The following CROT variants were observed in gnomAD, a reference collection of about 807,000 sequenced individuals.
CROT encodes peroxisomal carnitine O-octanoyltransferase.
Under a neutral mutation model 89.2 loss-of-function variants are expected in CROT, and 84 were observed. The ratio of observed to expected loss-of-function variants is 0.94; its 90% CI spans 0.79 to 1.13. The LOEUF (loss-of-function observed/expected upper bound fraction) is 1.13, where lower values mean the gene tolerates loss of function less well. Ranked by LOEUF, CROT falls within the 50% of genes most tolerant of loss-of-function variation. The pLI is 0.00. For synonymous variants in CROT, 212 were observed against 239.5 expected, an observed-to-expected ratio of 0.89 and a Z score of 1.06; for missense variants, 711 against 727.8, an observed-to-expected ratio of 0.98 and a Z score of 0.27.
chr7:87,398,498 C>G, intron 17 of CROT, 26 bp from the exon 18 acceptor site: 2 of 1,612,074 alleles, frequency 1.2e-6, no homozygotes, highest in Non-Finnish European at 1.7e-6. Context: ...TTTGTGTAAT[C>G]ATTAATCATT....
chr7:87,384,764 G>T (rs73394200), intron 13 of CROT, among the ~76,000 whole-genome samples: 4,063 of 152,256 alleles, frequency 0.027, 174 homozygotes, highest in African/African-American at 0.093. Flanking sequence ...TACTTGTAGG[G>T]TATTACTCAA....
chr7:87,371,993 C>CAAAAAAAAA (rs76864305), intron 7 of CROT, among the ~76,000 whole-genome samples: 1 of 59,734 alleles, frequency 1.7e-5, no homozygotes, highest in Non-Finnish European at 3.2e-5. Context: ...GACGCTGTCT[C>CAAAAAAAAA]AAAAAAAAAA....
At chr7:87,359,962 C>T in intron 4 of CROT, 1 of 979,996 alleles carries the variant, frequency 1.0e-6, no homozygotes, top group Non-Finnish European at 1.2e-6. Flanking sequence ...ATTATTGTAC[C>T]TATCATTTAG....
At chr7:87,370,339 T>C (rs1806593038) in intron 7 of CROT, among the ~76,000 whole-genome samples, 1 of 152,078 alleles carries the variant, frequency 6.6e-6, no homozygotes, top group Non-Finnish European at 1.5e-5. Context: ...CGCACCACCA[T>C]GGCCAGCTAA....
At chr7:87,373,864 A>G (rs1193812685) in intron 7 of CROT, among the ~76,000 whole-genome samples, 2 of 152,128 alleles carry the variant, frequency 1.3e-5, no homozygotes, top group Non-Finnish European at 2.9e-5. Flanking sequence ...TCAGTGACGT[A>G]TGGAGACGAC....
rs370066111 is a variant in CROT at position 87,398,801 on chromosome 7, C to G, written c.*157C>G. ...ATGTAGAAATTAGTAGAATCATGCT[C>G]TCTAAATTTATTCTGCCATAGAAGG... On this transcript the variant is annotated 3_prime_UTR_variant, in exon 18 of 18. Transcript: ENST00000331536. 1.7e-5 allele frequency: 12 copies of G among 696,336 alleles called. No individual in the cohort carries two copies. In the South Asian group the frequency reaches 2.2e-4, roughly 13 times the overall value. 43.1% of individuals were successfully genotyped at this position (696,336 alleles called of 1,614,324 possible).
At chr7:87,380,809 C>A (rs2116009155) in intron 10 of CROT, among the ~76,000 whole-genome samples, 2 of 152,254 alleles carry the variant, frequency 1.3e-5, no homozygotes, top group Middle Eastern at 3.4e-3. Flanking sequence ...TTAAATGAAA[C>A]AATATATTTG....
intron 3 of CROT, among the ~76,000 whole-genome samples, chr7:87,356,594 C>A (rs1480727714): frequency 6.6e-6 from 1 of 152,066 alleles, no homozygotes; most frequent in Non-Finnish European, 1.5e-5. Context: ...CAAAAGTAAC[C>A]ACCAGAATGA....
intron 7 of CROT, 197 bp from the exon 8 acceptor site, chr7:87,375,435 A>G (rs550087179): frequency 2.2e-5 from 11 of 505,040 alleles, no homozygotes; most frequent in African/African-American, 1.9e-4. Flanking sequence ...AATTATTGTC[A>G]AATATGCTTT....
intron 7 of CROT, among the ~76,000 whole-genome samples, chr7:87,370,129 T>C (rs938256766): frequency 6.6e-6 from 1 of 152,162 alleles, no homozygotes; most frequent in African/African-American, 2.4e-5. Flanking sequence ...ATCTCTAAAA[T>C]AGAAGGACTC....
intron 14 of CROT, among the ~76,000 whole-genome samples, chr7:87,391,966 G>A (rs750261246): frequency 6.6e-6 from 1 of 152,136 alleles, no homozygotes; most frequent in Non-Finnish European, 1.5e-5. Flanking sequence ...GGTATTTCAG[G>A]ACTTCTAATC....
chr7:87,366,002 C>T (rs1806434200), intron 6 of CROT, among the ~76,000 whole-genome samples: 1 of 152,118 alleles, frequency 6.6e-6, no homozygotes, highest in Non-Finnish European at 1.5e-5. Flanking sequence ...ACACAAAAAG[C>T]CCAGACTGTT....
chr7:87,398,168 G>A (rs768673371), intron 17 of CROT: 2 of 332,516 alleles, frequency 6.0e-6, no homozygotes, highest in Non-Finnish European at 1.2e-5. Context: ...ATTAAAAACT[G>A]TAGCATGAAT....
chr7:87,393,342 C>T (rs1189743963), intron 17 of CROT, among the ~76,000 whole-genome samples: 2 of 152,024 alleles, frequency 1.3e-5, no homozygotes, highest in African/African-American at 4.8e-5. Flanking sequence ...ATCAGTACAC[C>T]CATGAACATA....
chr7:87,361,541 A>G lies in CROT; in HGVS notation c.392A>G (p.His131Arg), dbSNP rs1172746542. The G allele has an allele frequency of 6.2e-7, 1 of 1,601,966 alleles. No homozygotes were observed. Among genetic ancestry groups the G allele is most frequent in the Admixed American group, 1.8e-5 (1 of 56,894 alleles). ...QLERGSITLW[H>R]NLNYWQLLRK... is the part of the protein sequence containing the mutation. ...GAAAGAGGAAGTATAACTCTTTGGC[A>G]TAACTTGAACTACTGGCAGCTATTA... The change falls in exon 5 of 18, where the codon CAT (histidine) becomes CGT (arginine). Residue 131 changes from histidine (H) to arginine (R), a missense_variant. Transcript: ENST00000331536.
chr7:87,349,275 C>G (rs997362808), intron 3 of CROT, 92 bp downstream of exon 3: 1 of 564,408 alleles, frequency 1.8e-6, no homozygotes, highest in Non-Finnish European at 3.0e-6. Flanking sequence ...GATCCAGACT[C>G]TAAGAGAGAG....
chr7:87,367,369 A>G (rs947499251), intron 6 of CROT, among the ~76,000 whole-genome samples: 53 of 152,118 alleles, frequency 3.5e-4, no homozygotes, highest in African/African-American at 1.1e-3. Context: ...GAAGGAAACC[A>G]ATTTTCTTCT....
chr7:87,369,367 T>C lies in CROT; in HGVS notation c.548-9T>C. 6.3e-7 allele frequency: 1 copy of C among 1,585,772 alleles called. No homozygotes were observed. ...ATTTGAGTCTTGTGTTTTCTGTTTC[T>C]GTTTCCAGAGAGTGAAGGGCGTTCC... On this transcript the variant is annotated splice_polypyrimidine_tract_variant and intron_variant, in intron 6 of 17. Coordinates refer to ENST00000331536, the MANE Select transcript of CROT (RefSeq NM_021151.4).
rs114620264 is a variant in CROT, at chr7:87,367,288, A to G, written c.548-2088A>G. 4.9e-3 allele frequency among the ~76,000 whole-genome samples: 743 copies of G among 152,304 alleles called. 4 individuals are homozygous for G. Among genetic ancestry groups the G allele is most frequent in the African/African-American group, 0.017 (720 of 41,574 alleles). On this transcript the variant is annotated intron_variant, in intron 6 of 17. Coordinates refer to ENST00000331536, the MANE Select transcript of CROT (RefSeq NM_021151.4). ...ATGAGAAGGTTATGATCTTCCCTTG[A>G]TGGCTTTGAAGATGGAAGAAGGGGT... is the stretch of plus-strand genomic sequence containing the variant.
Sources: allele counts gnomAD v4.1 joint callset (sites outside exome capture counted in the v4.1 genomes callset), GRCh38; gene constraint gnomAD v4.1.1; transcripts MANE v1.5; gene names NCBI Gene and HGNC (gene_info 2026-07-23, HGNC 2026-07-21).